CSMD1: variants seen among roughly 807,000 people sequenced by gnomAD.
CSMD1 encodes CUB and Sushi multiple domains 1.
A neutral mutation model predicts 417.5 loss-of-function variants in CSMD1; 213 were observed. The observed-to-expected ratio is 0.51, with a 90% CI of 0.46 to 0.57. The LOEUF (loss-of-function observed/expected upper bound fraction) is 0.57, where lower values mean the gene tolerates loss of function less well. Ranked by LOEUF, CSMD1 falls within the 20% of genes least tolerant of loss-of-function variation. CSMD1 has a pLI of 0.00. For synonymous variants in CSMD1, 2,862 were observed against 1,736.8 expected (o/e 1.65, Z -16.11); for missense variants, 6,923 against 4,529.7 (o/e 1.53, Z -15.17).
At chr8:4,918,516 G>A (rs1364905945) in intron 1 of CSMD1, among the ~76,000 whole-genome samples, 1 of 151,762 alleles carries the variant, frequency 6.6e-6, no homozygotes, top group African/African-American at 2.4e-5. Flanking sequence ...TTAGAAAAAG[G>A]ACAGGGATAT....
chr8:3,620,215 G>A (rs1802356145), intron 7 of CSMD1, among the ~76,000 whole-genome samples: 3 of 152,044 alleles, frequency 2.0e-5, no homozygotes, highest in South Asian at 4.1e-4. Context: ...AAATGAAAGG[G>A]AAATTAAGAC....
intron 1 of CSMD1, among the ~76,000 whole-genome samples, chr8:4,652,510 C>A (rs1334283843): frequency 4.6e-5 from 7 of 151,958 alleles, no homozygotes; most frequent in Non-Finnish European, 1.0e-4. Flanking sequence ...CAGATTCGCC[C>A]CATGTGGTGG....
chr8:3,346,042 G>T (rs187555520), intron 22 of CSMD1, among the ~76,000 whole-genome samples: 9 of 152,000 alleles, frequency 5.9e-5, no homozygotes, highest in Admixed American at 2.0e-4. Flanking sequence ...TATGTGCGAA[G>T]GATCAATGTG....
At chr8:3,953,448 G>C (rs973740201) in intron 5 of CSMD1, among the ~76,000 whole-genome samples, 1 of 152,236 alleles carries the variant, frequency 6.6e-6, no homozygotes, top group South Asian at 2.1e-4. Context: ...ATTTTGCACA[G>C]AGAAGAGACC....
intron 3 of CSMD1, among the ~76,000 whole-genome samples, chr8:4,076,836 G>A (rs924393911): frequency 6.6e-6 from 1 of 152,066 alleles, no homozygotes. Context: ...TGCTTTAACT[G>A]CTAACTTAAG....
At chr8:4,126,134 C>G (rs576241618) in intron 3 of CSMD1, among the ~76,000 whole-genome samples, 2 of 152,178 alleles carry the variant, frequency 1.3e-5, no homozygotes, top group East Asian at 1.9e-4. Context: ...TCATCTTCAA[C>G]CTGACCAGTC....
chr8:4,945,743 G>C (rs145736981), intron 1 of CSMD1, among the ~76,000 whole-genome samples: 2 of 152,190 alleles, frequency 1.3e-5, no homozygotes, highest in African/African-American at 4.8e-5. Flanking sequence ...ACAAGGAGGA[G>C]ATGATGCCAC....
chr8:3,443,606 A>C (rs1815127371), intron 12 of CSMD1, among the ~76,000 whole-genome samples: 1 of 152,222 alleles, frequency 6.6e-6, no homozygotes, highest in Non-Finnish European at 1.5e-5. Flanking sequence ...TGAGACCTTC[A>C]AATTATACCT....
chr8:4,289,466 G>C (rs558750159), intron 3 of CSMD1, among the ~76,000 whole-genome samples: 1 of 152,126 alleles, frequency 6.6e-6, no homozygotes, highest in African/African-American at 2.4e-5. Context: ...ATCAAGTCCA[G>C]TAGTAGCCAG....
At chr8:3,489,480 A>ATAG (rs1424558088) in intron 11 of CSMD1, among the ~76,000 whole-genome samples, 1 of 152,196 alleles carries the variant, frequency 6.6e-6, no homozygotes, top group East Asian at 1.9e-4. Context: ...AGGGAAGGCC[A>ATAG]TAGCTCTCCA....
chr8:4,525,861 C>T (rs1231035206), intron 2 of CSMD1, among the ~76,000 whole-genome samples: 3 of 152,116 alleles, frequency 2.0e-5, no homozygotes, highest in Non-Finnish European at 4.4e-5. Context: ...ACAGTTCCAT[C>T]GTGATTCTTC....
intron 2 of CSMD1, among the ~76,000 whole-genome samples, chr8:4,446,040 A>T (rs1034150661): frequency 6.6e-6 from 1 of 152,210 alleles, no homozygotes; most frequent in Non-Finnish European, 1.5e-5. Flanking sequence ...AACTTGACAC[A>T]GCCCAAGAAG....
chr8:4,773,088 T>C (rs1796679273), intron 1 of CSMD1, among the ~76,000 whole-genome samples: 1 of 152,210 alleles, frequency 6.6e-6, no homozygotes, highest in African/African-American at 2.4e-5. Context: ...TTCAGATTTT[T>C]TTCAGATTTG....
At chr8:4,025,369 T>C (rs866067477) in intron 4 of CSMD1, among the ~76,000 whole-genome samples, 28 of 152,238 alleles carry the variant, frequency 1.8e-4, no homozygotes, top group African/African-American at 6.3e-4. Context: ...TATTTCCCTG[T>C]AGGACCCTAG....
At chr8:4,591,664 G>T (rs970887644) in intron 2 of CSMD1, among the ~76,000 whole-genome samples, 2 of 152,198 alleles carry the variant, frequency 1.3e-5, no homozygotes, top group African/African-American at 4.8e-5. Flanking sequence ...ATGTAGGTCA[G>T]TGTCAGATTG....
At chr8:4,526,371 G>C (rs1038706463) in intron 2 of CSMD1, among the ~76,000 whole-genome samples, 1 of 152,184 alleles carries the variant, frequency 6.6e-6, no homozygotes, top group African/African-American at 2.4e-5. Flanking sequence ...GAAGATCGTG[G>C]TCTCCTCCTT....
At chr8:4,689,451 T>C (rs528838832) in intron 1 of CSMD1, among the ~76,000 whole-genome samples, 13 of 152,358 alleles carry the variant, frequency 8.5e-5, no homozygotes, top group African/African-American at 3.1e-4. Flanking sequence ...TATGCATTTA[T>C]ATTAGAAGGA....
chr8:3,664,214 G>C (rs1413240815), intron 7 of CSMD1, among the ~76,000 whole-genome samples: 1 of 152,062 alleles, frequency 6.6e-6, no homozygotes, highest in African/African-American at 2.4e-5. Flanking sequence ...CCCTGTGTGT[G>C]ATGTTCCCCC....
intron 1 of CSMD1, among the ~76,000 whole-genome samples, chr8:4,988,769 T>A (rs528488158): frequency 6.6e-6 from 1 of 152,360 alleles, no homozygotes; most frequent in South Asian, 2.1e-4. Context: ...AAATTGCAAC[T>A]GAGCTCAGAA....
Sources: allele counts gnomAD v4.1 joint callset (sites outside exome capture counted in the v4.1 genomes callset), GRCh38; gene constraint gnomAD v4.1.1; transcripts MANE v1.5; gene names NCBI Gene and HGNC (gene_info 2026-07-23, HGNC 2026-07-21).